The following EPHB2 variants were observed in gnomAD, a reference collection of about 807,000 sequenced individuals.
The protein encoded by EPHB2 is EPH receptor B2.
EPHB2 carries 18 observed loss-of-function variants against 96.4 expected under a neutral mutation model. The observed-to-expected ratio is 0.19, with a 90% confidence interval of 0.13 to 0.28. EPHB2 has a LOEUF of 0.28. Ranked by LOEUF, EPHB2 falls within the 10% of genes least tolerant of loss-of-function variation. The pLI is 1.00. For missense variants in EPHB2, 989 were observed against 1,355.4 expected, an observed-to-expected ratio of 0.73 and a Z score of 4.25; for synonymous variants, 506 against 534.1, an observed-to-expected ratio of 0.95 and a Z score of 0.72.
chr1:22,749,928 C>A (rs79597815), intron 1 of EPHB2, among the ~76,000 whole-genome samples: 9,389 of 152,118 alleles, frequency 0.062, 825 homozygotes, highest in African/African-American at 0.19. Flanking sequence ...TGACAAAGGA[C>A]TTTCTTCTCA....
rs744834 is a variant in EPHB2 at position 22,920,902 on chromosome 1, C to A, written c.*7332C>A. The A allele has an allele frequency of 0.38, 57,483 of 152,070 alleles. 12,048 individuals are homozygous for A. The highest frequency in any genetic ancestry group is 0.49 in the Non-Finnish European group (33,051 of 67,922). The allele number at this position is 152,070 out of a possible 1,614,324, so 9.4% of individuals were successfully genotyped here. On this transcript the variant is annotated 3_prime_UTR_variant, in exon 16 of 16. Transcript: ENST00000374630. ...CTGTGAGACAGGTACAATTATTACT[C>A]CCATTCCACAGACTAGCAAACTCAG...
intron 5 of EPHB2, 66 bp downstream of exon 5, chr1:22,865,278 C>T: frequency 1.3e-6 from 2 of 1,576,282 alleles, no homozygotes; most frequent in Non-Finnish European, 1.7e-6. Flanking sequence ...GTCCTGCAGT[C>T]CTCACAAAAG....
At chr1:22,752,860 T>C (rs1351067802) in intron 1 of EPHB2, among the ~76,000 whole-genome samples, 1 of 152,168 alleles carries the variant, frequency 6.6e-6, no homozygotes, top group African/African-American at 2.4e-5. Context: ...CATGACTTGC[T>C]GCAGCGTCAG....
rs547746800 is a variant in EPHB2, at chr1:22,859,666, G to A, written c.812-3371G>A. Among the ~76,000 whole-genome samples, 22 of 152,126 alleles carry A rather than the reference G, an allele frequency of 1.4e-4. 1 individual carries two copies. The highest frequency in any genetic ancestry group is 1.9e-4 in the East Asian group (1 of 5,158). ...AAATTAGCCAGGCATGGTGGCACGC[G>A]CCTGTAGTCCCAGCTACTCGGGAGG... On this transcript the variant is annotated intron_variant, in intron 3 of 15. Transcript: ENST00000374630.
At chr1:22,787,998 A>G (rs1039831230) in intron 3 of EPHB2, among the ~76,000 whole-genome samples, 20 of 152,238 alleles carry the variant, frequency 1.3e-4, no homozygotes, top group African/African-American at 4.6e-4. Flanking sequence ...TGAGAGAGCC[A>G]AGAGAGAATA....
intron 3 of EPHB2, among the ~76,000 whole-genome samples, chr1:22,861,459 G>A (rs535793937): frequency 6.6e-6 from 1 of 151,772 alleles, no homozygotes; most frequent in Admixed American, 6.6e-5. Flanking sequence ...GCAACATAGT[G>A]AGACCCCCCA....
At chr1:22,782,490 G>C (rs1644548558) in intron 2 of EPHB2, among the ~76,000 whole-genome samples, 1 of 139,096 alleles carries the variant, frequency 7.2e-6, no homozygotes, top group South Asian at 2.2e-4. Context: ...GCTCTCAATA[G>C]GCAGGGCCCC....
At position 22,906,587 on chromosome 1, in the gene EPHB2, A is replaced by T; in HGVS notation, c.1889-123A>T. 6.8e-7 allele frequency: 1 copy of T among 1,460,160 alleles called. No individual in the cohort carries two copies. Among genetic ancestry groups the T allele is most frequent in the Non-Finnish European group, 9.3e-7 (1 of 1,073,154 alleles). The allele number at this position is 1,460,160 out of a possible 1,614,324, so 90.5% of individuals were successfully genotyped here. ...TTGAAGGGGTTCTGTGTCTGCAAGG[A>T]TGAGTGGGCCATTGAGAAGAAAATG... On this transcript the variant is annotated intron_variant, in intron 10 of 15. Coordinates refer to ENST00000374630, the MANE Select transcript of EPHB2 (RefSeq NM_017449.5). The surrounding 1 kb of genome is among the most constrained non-coding windows in gnomAD (Gnocchi z 4.8).
chr1:22,765,478 C>T (rs560191550), intron 1 of EPHB2, among the ~76,000 whole-genome samples: 12 of 140,528 alleles, frequency 8.5e-5, no homozygotes, highest in Non-Finnish European at 1.8e-4. Context: ...ACCCTGGAGG[C>T]GGAGGTTGCA....
Position 22,733,712 on chromosome 1 carries a change from C to T in EPHB2, c.61+22669C>T, listed in dbSNP as rs1185271976. Among the ~76,000 whole-genome samples, 1 of 152,222 alleles carries T rather than the reference C, an allele frequency of 6.6e-6. No individual in the cohort carries two copies. Among genetic ancestry groups the T allele is most frequent in the African/African-American group, 2.4e-5 (1 of 41,468 alleles). ...TAAGGGGCGGAAATGGGATTTGAAC[C>T]CGCGATTCTCTAAGTCCAAAGCCCA... On this transcript the variant is annotated intron_variant, in intron 1 of 15. Coordinates refer to ENST00000374630, the MANE Select transcript of EPHB2 (RefSeq NM_017449.5). This position sits in a 1 kb window ranked among gnomAD's most constrained non-coding sequence, Gnocchi z 4.6.
chr1:22,716,244 A>G (rs555559182), intron 1 of EPHB2, among the ~76,000 whole-genome samples: 2 of 152,270 alleles, frequency 1.3e-5, no homozygotes, highest in African/African-American at 4.8e-5. Context: ...TGAAATTGTC[A>G]TAGAACATTG....
chr1:22,781,395 G>A (rs202146464), intron 1 of EPHB2, 26 bp from the exon 2 acceptor site: 21 of 1,612,704 alleles, frequency 1.3e-5, no homozygotes, highest in Non-Finnish European at 1.7e-5. Flanking sequence ...GTGGGGCGGG[G>A]TGGTGACTCT....
intron 3 of EPHB2, among the ~76,000 whole-genome samples, chr1:22,819,933 A>G (rs982828481): frequency 6.6e-6 from 1 of 151,942 alleles, no homozygotes; most frequent in African/African-American, 2.4e-5. Context: ...AAGAGCCGAG[A>G]CCAGCCTGGT....
At chr1:22,732,382 C>T (rs540008801) in intron 1 of EPHB2, among the ~76,000 whole-genome samples, 39 of 146,648 alleles carry the variant, frequency 2.7e-4, no homozygotes, top group Admixed American at 1.8e-3. Context: ...TGGGGAAGCG[C>T]GTGGGGGGCC....
intron 3 of EPHB2, among the ~76,000 whole-genome samples, chr1:22,852,282 G>A (rs1367475126): frequency 6.6e-6 from 1 of 152,162 alleles, no homozygotes; most frequent in African/African-American, 2.4e-5. Flanking sequence ...CGGACCCCAG[G>A]ACAACCTCCC....
At chr1:22,766,073 A>G (rs1481700392) in intron 1 of EPHB2, among the ~76,000 whole-genome samples, 3 of 152,208 alleles carry the variant, frequency 2.0e-5, no homozygotes, top group African/African-American at 2.4e-5. Flanking sequence ...AATGGGACAG[A>G]TAATTGCAAG....
chr1:22,857,425 A>G (rs1645717216), intron 3 of EPHB2, among the ~76,000 whole-genome samples: 1 of 152,072 alleles, frequency 6.6e-6, no homozygotes, highest in African/African-American at 2.4e-5. Context: ...AGGGAGATGA[A>G]GGAGAAGGGC....
chr1:22,897,280 G>C (rs990859230), intron 9 of EPHB2, among the ~76,000 whole-genome samples: 7 of 152,178 alleles, frequency 4.6e-5, no homozygotes, highest in Admixed American at 4.6e-4. Context: ...GGGAGAGCAA[G>C]AACCTTAGTC....
intron 11 of EPHB2, 108 bp from the exon 12 acceptor site, chr1:22,907,845 C>A (rs1639966118): frequency 7.1e-7 from 1 of 1,409,240 alleles, no homozygotes; most frequent in Non-Finnish European, 1.0e-6. Flanking sequence ...CAGGGGAGCC[C>A]AGAGCCAGGC....
Sources: gnomAD v4.1 joint callset for allele counts (sites outside exome capture counted in the v4.1 genomes callset) on GRCh38, gnomAD v4.1.1 for gene constraint, Gnocchi (gnomAD v3.1) non-coding constraint, MANE v1.5 for transcripts, NCBI Gene and HGNC (gene_info 2026-07-23, HGNC 2026-07-21) for gene names.